ASTN2: variants seen among roughly 807,000 people sequenced by gnomAD.
The protein encoded by ASTN2 is astrotactin-2.
A neutral mutation model predicts 139.8 loss-of-function variants in ASTN2; 54 were observed. That is an observed-to-expected ratio of 0.39 (90% CI 0.31 to 0.48). ASTN2 has a LOEUF of 0.48. Ranked by LOEUF, ASTN2 falls within the 20% of genes least tolerant of loss-of-function variation. ASTN2 has a pLI of 0.95. For missense variants in ASTN2, 1,565 were observed against 1,725.1 expected (o/e 0.91, Z 1.64); for synonymous variants, 756 against 719.5 (o/e 1.05, Z -0.81).
chr9:116,876,278 G>T (rs1833294491), intron 10 of ASTN2, among the ~76,000 whole-genome samples: 1 of 152,186 alleles, frequency 6.6e-6, no homozygotes. Context: ...AGAGGTGGAG[G>T]TTGAAGATGT....
chr9:116,883,616 G>C lies in ASTN2; in HGVS notation c.1890-19883C>G, dbSNP rs780007925. 4.6e-5 allele frequency among the ~76,000 whole-genome samples: 7 copies of C among 152,136 alleles called. No homozygotes were observed. The East Asian group carries it at 1.2e-3, about 25-fold the overall frequency. On this transcript the variant is annotated intron_variant, in intron 10 of 22. Coordinates refer to ENST00000313400, the MANE Select transcript of ASTN2 (RefSeq NM_001365068.1). ...AAGCCAAATAGGTATTTACTCTTGG[G>C]AATCTGAAACTACCCCCTCGGCCTT...
chr9:117,345,373 A>T (rs1415083856), intron 1 of ASTN2, among the ~76,000 whole-genome samples: 2 of 152,186 alleles, frequency 1.3e-5, no homozygotes. Context: ...ACAAGTATGA[A>T]TCATAACCAC....
intron 16 of ASTN2, among the ~76,000 whole-genome samples, chr9:116,684,771 A>G (rs543805922): frequency 6.6e-6 from 1 of 152,262 alleles, no homozygotes; most frequent in Non-Finnish European, 1.5e-5. Flanking sequence ...CATACCCTAC[A>G]CTTTAAGATT....
chr9:116,651,109 G>A (rs1490406758), intron 17 of ASTN2, among the ~76,000 whole-genome samples: 2 of 151,906 alleles, frequency 1.3e-5, no homozygotes, highest in Admixed American at 6.6e-5. Context: ...TAGAGATGGG[G>A]TTTCACCATG....
rs59680183 is a variant in ASTN2, at chr9:117,060,442, G to A, written c.1277-20477C>T. ...AGGAAGGAAGGAAGGAAGAGAGAGAGAGAAAGAAAGAAAGAAAGGAAGGAA... is the reference window on the plus strand; with the variant it reads ...AGGAAGGAAGGAAGGAAGAGAGAGAAAGAAAGAAAGAAAGAAAGGAAGGAA... On this transcript the variant is annotated intron_variant, in intron 5 of 22. Coordinates refer to ENST00000313400, the MANE Select transcript of ASTN2 (RefSeq NM_001365068.1). Among the ~76,000 whole-genome samples the A allele has an allele frequency of 9.3e-3, 503 of 53,838 alleles. 20 individuals are homozygous for A. Among genetic ancestry groups the A allele is most frequent in the African/African-American group, 0.021 (231 of 11,196 alleles). 35.3% of individuals were successfully genotyped at this position (53,838 alleles called of 152,430 possible).
chr9:117,121,016 A>G (rs934718973), intron 4 of ASTN2, among the ~76,000 whole-genome samples: 37 of 152,222 alleles, frequency 2.4e-4, no homozygotes, highest in African/African-American at 8.9e-4. Flanking sequence ...CCTGGGGTAC[A>G]CAGTATGTGT....
At chr9:116,727,936 T>A in intron 15 of ASTN2, among the ~76,000 whole-genome samples, 1 of 152,088 alleles carries the variant, frequency 6.6e-6, no homozygotes, top group Middle Eastern at 3.2e-3. Context: ...GAGGGTGAAA[T>A]CCTCCAATTC....
At chr9:116,704,856 G>A (rs1827950107) in intron 16 of ASTN2, among the ~76,000 whole-genome samples, 1 of 152,118 alleles carries the variant, frequency 6.6e-6, no homozygotes, top group South Asian at 2.1e-4. Context: ...GGGGTAAATA[G>A]AGCCAAGATT....
intron 20 of ASTN2, among the ~76,000 whole-genome samples, chr9:116,476,708 A>G (rs1268279895): frequency 6.6e-6 from 1 of 152,140 alleles, no homozygotes; most frequent in Non-Finnish European, 1.5e-5. Flanking sequence ...GTTTCCTGAG[A>G]CTGTGCTGTT....
intron 13 of ASTN2, among the ~76,000 whole-genome samples, chr9:116,767,688 TA>T (rs1300409694): frequency 6.6e-6 from 1 of 152,154 alleles, no homozygotes; most frequent in Non-Finnish European, 1.5e-5. Context: ...AGAACAGGGA[TA>T]TAACCTCTTG....
At chr9:116,904,847 A>G (rs1834111755) in intron 10 of ASTN2, among the ~76,000 whole-genome samples, 1 of 152,208 alleles carries the variant, frequency 6.6e-6, no homozygotes, top group African/African-American at 2.4e-5. Context: ...TGGAGTGTAC[A>G]GTGGCTGTGC....
At chr9:117,266,659 A>G (rs541768953) in intron 2 of ASTN2, among the ~76,000 whole-genome samples, 2 of 152,246 alleles carry the variant, frequency 1.3e-5, no homozygotes, top group South Asian at 4.1e-4. Flanking sequence ...ATAAGTGTGC[A>G]TTTTTTCTCC....
chr9:116,455,767 GA>G (rs932088982), intron 20 of ASTN2, among the ~76,000 whole-genome samples: 23 of 143,698 alleles, frequency 1.6e-4, no homozygotes, highest in African/African-American at 4.3e-4. Context: ...ATCCAGATAA[GA>G]AAAAAAAAAG....
At chr9:116,679,397 T>C (rs1444633738) in intron 16 of ASTN2, among the ~76,000 whole-genome samples, 1 of 152,190 alleles carries the variant, frequency 6.6e-6, no homozygotes, top group African/African-American at 2.4e-5. Flanking sequence ...AAATGATGTT[T>C]GGCTTTCTTT....
At chr9:116,931,380 G>A (rs1409675139) in intron 10 of ASTN2, among the ~76,000 whole-genome samples, 6 of 152,156 alleles carry the variant, frequency 3.9e-5, no homozygotes. Context: ...CTGCCCCACA[G>A]GGAGACTTCC....
intron 19 of ASTN2, among the ~76,000 whole-genome samples, chr9:116,538,674 C>A (rs1277011404): frequency 6.6e-6 from 1 of 152,132 alleles, no homozygotes; most frequent in Non-Finnish European, 1.5e-5. Context: ...TTTGTTAATT[C>A]TAAAATGCAC....
intron 19 of ASTN2, among the ~76,000 whole-genome samples, chr9:116,529,882 G>A (rs1792394633): frequency 6.6e-6 from 1 of 151,928 alleles, no homozygotes; most frequent in Non-Finnish European, 1.5e-5. Context: ...GGAACTGTGA[G>A]TAAATTAAAC....
intron 22 of ASTN2, chr9:116,437,563 C>G: frequency 2.1e-6 from 1 of 471,132 alleles, no homozygotes; most frequent in South Asian, 1.5e-5. Context: ...AGATTTATGT[C>G]CTGGAGGCTC....
chr9:117,088,993 G>A (rs1828636750), intron 5 of ASTN2, among the ~76,000 whole-genome samples: 1 of 152,190 alleles, frequency 6.6e-6, no homozygotes, highest in South Asian at 2.1e-4. Flanking sequence ...CTGTACAGAA[G>A]CTTATCCTGA....
Sources: gnomAD v4.1 joint callset for allele counts (sites outside exome capture counted in the v4.1 genomes callset) on GRCh38, gnomAD v4.1.1 for gene constraint, MANE v1.5 for transcripts, NCBI Gene and HGNC (gene_info 2026-07-23, HGNC 2026-07-21) for gene names.